The following EIF2AK4 variants were observed in gnomAD, a reference collection of about 807,000 sequenced individuals.
EIF2AK4 encodes eukaryotic translation initiation factor 2 alpha kinase 4, also known as eIF-2-alpha kinase GCN2.
Under a neutral mutation model 211.1 loss-of-function variants are expected in EIF2AK4, and 139 were observed. The observed-to-expected ratio is 0.66, with a 90% CI of 0.57 to 0.76. EIF2AK4 has a LOEUF of 0.76. Among genes scored for constraint, EIF2AK4 ranks in the 30% least tolerant of loss-of-function variants. The probability of loss-of-function intolerance (pLI) is 0.00; values close to 1 mark genes in which losing one functional copy is unlikely to be tolerated. For missense variants in EIF2AK4, 1,664 were observed against 2,043.8 expected, an observed-to-expected ratio of 0.81 and a Z score of 3.58; for synonymous variants, 710 against 751.3, an observed-to-expected ratio of 0.94 and a Z score of 0.90.
chr15:39,992,717 C>G (rs369627438), intron 17 of EIF2AK4, 52 bp from the exon 18 acceptor site: 19 of 1,513,208 alleles, frequency 1.3e-5, no homozygotes, highest in Admixed American at 1.7e-5. Flanking sequence ...TAGTTTGTGT[C>G]TTCTGTAAGT....
intron 3 of EIF2AK4, among the ~76,000 whole-genome samples, chr15:39,947,735 A>G (rs1162448139): frequency 6.6e-6 from 1 of 152,222 alleles, no homozygotes; most frequent in Non-Finnish European, 1.5e-5. Flanking sequence ...CAAGGCATTC[A>G]GGAGAGGCCT....
At chr15:39,939,993 T>C (rs1595539640) in intron 2 of EIF2AK4, among the ~76,000 whole-genome samples, 1 of 152,198 alleles carries the variant, frequency 6.6e-6, no homozygotes, top group Non-Finnish European at 1.5e-5. Flanking sequence ...GTATTAGAAA[T>C]TCAGCAAGTC....
In EIF2AK4 at chr15:39,961,906, A is replaced by C. The variant is rs201702845; in HGVS notation, c.859+7A>C. On this transcript the variant is annotated splice_region_variant and intron_variant, in intron 7 of 38. Transcript: ENST00000263791. ...CACAAAGGGAAATGTATTGGTGAGT[A>C]AACTAGCAAAATCTATTCATATTAT... is the stretch of plus-strand genomic sequence containing the variant. 6.3e-7 allele frequency: 1 copy of C among 1,596,814 alleles called. No individual in the cohort carries two copies. Among genetic ancestry groups the C allele is most frequent in the Non-Finnish European group, 8.6e-7 (1 of 1,166,036 alleles).
At chr15:40,034,591 T>G in intron 38 of EIF2AK4, 147 bp downstream of exon 38, 1 of 664,700 alleles carries the variant, frequency 1.5e-6, no homozygotes, top group South Asian at 1.8e-5. Flanking sequence ...TAAATCTTGC[T>G]TGGACTGTGA....
intron 6 of EIF2AK4, among the ~76,000 whole-genome samples, chr15:39,958,144 T>C (rs1321111694): frequency 6.6e-6 from 1 of 152,228 alleles, no homozygotes; most frequent in Non-Finnish European, 1.5e-5. Context: ...ATTTGTGAAG[T>C]GCAGACATAG....
At chr15:39,940,665 T>C (rs147114289) in intron 2 of EIF2AK4, among the ~76,000 whole-genome samples, 1 of 152,144 alleles carries the variant, frequency 6.6e-6, no homozygotes, top group East Asian at 1.9e-4. Context: ...TGAAAGGAAA[T>C]TAAAAGAGTG....
intron 23 of EIF2AK4, among the ~76,000 whole-genome samples, chr15:40,006,679 A>G (rs2035166029): frequency 6.6e-6 from 1 of 152,242 alleles, no homozygotes; most frequent in African/African-American, 2.4e-5. Context: ...TTAAATTCAT[A>G]AATAAATAAC....
chr15:39,990,306 A>G lies in EIF2AK4; in HGVS notation c.2560A>G (p.Ile854Val). 1 of 1,614,158 alleles carries G rather than the reference A, an allele frequency of 6.2e-7. No homozygotes were observed. Among genetic ancestry groups the G allele is most frequent in the Non-Finnish European group, 8.5e-7 (1 of 1,180,026 alleles). ...TCACCGGGATTTGAAGCCTGTCAAC[A>G]TTTTTTTGGATTCTGATGACCATGT... The part of the protein sequence containing the change: ...MIHRDLKPVN[I>V]FLDSDDHVKI... Residue 854 changes from isoleucine to valine, a missense_variant, in exon 16 of 39, where the codon ATT becomes GTT. By Grantham distance (29) the Ile-to-Val change is conservative. Coordinates refer to ENST00000263791, the MANE Select transcript of EIF2AK4 (RefSeq NM_001013703.4).
chr15:39,995,350 C>A (rs1217482308), intron 18 of EIF2AK4, among the ~76,000 whole-genome samples: 1 of 152,140 alleles, frequency 6.6e-6, no homozygotes, highest in African/African-American at 2.4e-5. Context: ...CTCGCCGCCC[C>A]CTCTTTGAGT....
At chr15:39,978,009 A>G in intron 12 of EIF2AK4, 69 bp from the exon 13 acceptor site, 2 of 1,142,058 alleles carry the variant, frequency 1.8e-6, no homozygotes, top group Non-Finnish European at 2.6e-6. Flanking sequence ...TCTAGTATTT[A>G]AAAATGTCCA....
rs200357447 is a variant in EIF2AK4 at position 39,943,322 on chromosome 15, G to C, written c.258-61G>C. 6.8e-6 allele frequency: 9 copies of C among 1,320,268 alleles called. No homozygotes were observed. The East Asian group carries it at 2.3e-4, about 34-fold the overall frequency. 81.8% of individuals were successfully genotyped at this position (1,320,268 alleles called of 1,614,324 possible). On this transcript the variant is annotated intron_variant, in intron 2 of 38. Transcript: ENST00000263791. ...TGCTTTCAGTTTAGCAAATATTAAT[G>C]CAAACAGGCTATACTTTCTGGAGTA...
intron 19 of EIF2AK4, 31 bp from the exon 20 acceptor site, chr15:39,998,700 A>T: frequency 6.3e-7 from 1 of 1,591,116 alleles, no homozygotes. Flanking sequence ...CAGTCTGCCA[A>T]AACCTTGCTG....
At chr15:39,957,534 C>T (rs2034408318) in intron 6 of EIF2AK4, among the ~76,000 whole-genome samples, 2 of 152,154 alleles carry the variant, frequency 1.3e-5, no homozygotes, top group Non-Finnish European at 1.5e-5. Flanking sequence ...CCCCCTCTAC[C>T]CTATTTCCCT....
At chr15:40,020,721 CTT>C (rs57323541) in intron 30 of EIF2AK4, 176 bp from the exon 31 acceptor site, 15,477 of 291,350 alleles carry the variant, frequency 0.053, no homozygotes, top group East Asian at 0.1. Context: ...TTGAGTGTGT[CTT>C]TTTTTTTTTT....
rs587777107 is a variant in EIF2AK4, at chr15:39,967,713, C to G, written c.1387C>G (p.Arg463Gly). The change falls in exon 9 of 39, where the codon CGA (arginine) becomes GGA (glycine). Residue 463 changes from arginine (R) to glycine (G), a missense_variant. By Grantham distance (125) the Arg-to-Gly change is moderately radical (BLOSUM62 -2). Around this residue, in one of 7 missense-constraint regions of EIF2AK4, gnomAD observed 641 missense variants for 729.6 expected, o/e 0.88. Transcript: ENST00000263791. ...CAAGGAGGATGTGTTTGAGCAAACC[C>G]GAGTTCGTTTTAGTGACAATGCTCT... ...ICKEDVFEQTRVRFSDNALPY... is the reference protein window; with the variant it reads ...ICKEDVFEQTGVRFSDNALPY... 1 of 1,614,088 alleles carries G rather than the reference C, an allele frequency of 6.2e-7. No homozygotes were observed. The highest frequency in any genetic ancestry group is 2.2e-5 in the East Asian group (1 of 44,878).
At chr15:40,006,170 A>G (rs2035160047) in intron 23 of EIF2AK4, among the ~76,000 whole-genome samples, 2 of 152,184 alleles carry the variant, frequency 1.3e-5, no homozygotes. Context: ...ATTGTGAAAC[A>G]GGTTTTGTGT....
chr15:39,985,459 A>C (rs2034851690), intron 13 of EIF2AK4, among the ~76,000 whole-genome samples: 1 of 152,156 alleles, frequency 6.6e-6, no homozygotes, highest in Non-Finnish European at 1.5e-5. Context: ...GAATACCATA[A>C]ACACCTCTAC....
chr15:39,980,842 C>G (rs1242919885), intron 13 of EIF2AK4, among the ~76,000 whole-genome samples: 3 of 152,200 alleles, frequency 2.0e-5, no homozygotes, highest in African/African-American at 7.2e-5. Flanking sequence ...GTGTGAGCCA[C>G]CATGCCTAGC....
intron 20 of EIF2AK4, 137 bp downstream of exon 20, chr15:39,998,921 A>G: frequency 1.4e-6 from 1 of 697,864 alleles, no homozygotes. Context: ...ATATGAAAAG[A>G]TGAAGCACTT....
Sources: allele counts gnomAD v4.1 joint callset (sites outside exome capture counted in the v4.1 genomes callset), GRCh38; gene constraint gnomAD v4.1.1; regional missense constraint gnomAD v4.1.1; transcripts MANE v1.5; gene names NCBI Gene and HGNC (gene_info 2026-07-23, HGNC 2026-07-21).